SUGCT: variants seen among roughly 807,000 people sequenced by gnomAD.
SUGCT encodes succinyl-CoA:glutarate-CoA transferase.
A neutral mutation model predicts 55.0 loss-of-function variants in SUGCT; 41 were observed. The observed-to-expected ratio is 0.74, with a 90% CI of 0.58 to 0.97. The LOEUF is 0.97. Among genes scored for constraint, SUGCT ranks in the 50% least tolerant of loss-of-function variants. SUGCT has a pLI of 0.00. For missense variants in SUGCT, 568 were observed against 547.8 expected (o/e 1.04, Z -0.37); for synonymous variants, 187 against 200.4 (o/e 0.93, Z 0.56).
At chr7:40,665,679 G>C (rs1801591798) in intron 12 of SUGCT, among the ~76,000 whole-genome samples, 1 of 151,978 alleles carries the variant, frequency 6.6e-6, no homozygotes, top group African/African-American at 2.4e-5. Context: ...TCTATAGAGT[G>C]GGGACCAAAA....
chr7:41,011,100 T>C, the SUGCT span, among the ~76,000 whole-genome samples: 1 of 152,224 alleles, frequency 6.6e-6, no homozygotes, highest in African/African-American at 2.4e-5. Context: ...CATGCTCGAT[T>C]CCAAGCTCTA....
At chr7:40,789,055 G>A (rs1242852456) in intron 13 of SUGCT, among the ~76,000 whole-genome samples, 2 of 151,890 alleles carry the variant, frequency 1.3e-5, no homozygotes, top group Non-Finnish European at 1.5e-5. Flanking sequence ...TTCATCACTG[G>A]GATCCATCTA....
chr7:40,347,591 C>T (rs57505474), intron 9 of SUGCT, among the ~76,000 whole-genome samples: 2,316 of 152,292 alleles, frequency 0.015, 49 homozygotes, highest in South Asian at 0.06. Flanking sequence ...TTGAAAAATT[C>T]TCATTCTGTC....
the SUGCT span, among the ~76,000 whole-genome samples, chr7:41,029,032 T>C: frequency 6.6e-6 from 1 of 152,098 alleles, no homozygotes; most frequent in Admixed American, 6.5e-5. Flanking sequence ...AGACAACAGA[T>C]AAAAGGATGA....
chr7:40,858,276 G>A, intron 13 of SUGCT, among the ~76,000 whole-genome samples: 1 of 151,968 alleles, frequency 6.6e-6, no homozygotes, highest in East Asian at 1.9e-4. Flanking sequence ...GGTGGTGCAT[G>A]CCTGTAATCC....
intron 12 of SUGCT, among the ~76,000 whole-genome samples, chr7:40,709,945 C>A (rs965448468): frequency 6.6e-6 from 1 of 152,178 alleles, no homozygotes; most frequent in African/African-American, 2.4e-5. Context: ...ACTTCAAGAA[C>A]CACTGGTTAT....
the SUGCT span, among the ~76,000 whole-genome samples, chr7:41,034,855 TG>T: frequency 6.6e-6 from 1 of 152,122 alleles, no homozygotes; most frequent in Non-Finnish European, 1.5e-5. Context: ...CTAGGGGTGA[TG>T]GGGGTATCAC....
At chr7:40,462,044 A>C (rs572972450) in intron 11 of SUGCT, among the ~76,000 whole-genome samples, 5 of 152,348 alleles carry the variant, frequency 3.3e-5, no homozygotes, top group African/African-American at 1.2e-4. Flanking sequence ...ACTGTGTAGT[A>C]GGCACTGTTG....
intron 9 of SUGCT, among the ~76,000 whole-genome samples, chr7:40,426,017 TG>T (rs1389198100): frequency 6.6e-6 from 1 of 152,210 alleles, no homozygotes; most frequent in African/African-American, 2.4e-5. Flanking sequence ...TTTATTATAA[TG>T]TCTGGCACAT....
chr7:40,900,747 C>G, the SUGCT span, among the ~76,000 whole-genome samples: 1 of 152,198 alleles, frequency 6.6e-6, no homozygotes, highest in Non-Finnish European at 1.5e-5. Context: ...CGCAAGGAAG[C>G]TAAAGGAACT....
intron 9 of SUGCT, among the ~76,000 whole-genome samples, chr7:40,350,533 G>A (rs1362557506): frequency 6.7e-6 from 1 of 149,282 alleles, no homozygotes; most frequent in Non-Finnish European, 1.5e-5. Context: ...GTTTCACCAT[G>A]TTGGTCAGGC....
chr7:40,206,493 A>G (rs1786982555), intron 6 of SUGCT, among the ~76,000 whole-genome samples: 1 of 152,228 alleles, frequency 6.6e-6, no homozygotes, highest in Non-Finnish European at 1.5e-5. Context: ...TTGTGGAATC[A>G]GTGAAATCCA....
intron 12 of SUGCT, among the ~76,000 whole-genome samples, chr7:40,696,023 C>G (rs1784920270): frequency 6.6e-6 from 1 of 152,214 alleles, no homozygotes; most frequent in Non-Finnish European, 1.5e-5. Context: ...TGTCTACTTA[C>G]TACTGTATAC....
intron 12 of SUGCT, among the ~76,000 whole-genome samples, chr7:40,740,351 T>C (rs1416597233): frequency 3.3e-5 from 5 of 151,648 alleles, no homozygotes; most frequent in African/African-American, 1.2e-4. Context: ...GTATGATTTC[T>C]TCCTTTTTAA....
intron 8 of SUGCT, among the ~76,000 whole-genome samples, chr7:40,276,379 C>T (rs911933688): frequency 3.3e-5 from 5 of 152,106 alleles, no homozygotes; most frequent in Non-Finnish European, 7.3e-5. Flanking sequence ...ATGAAGGTTT[C>T]ATGGGTGTGT....
chr7:40,412,399 A>C (rs1786746186), intron 9 of SUGCT, among the ~76,000 whole-genome samples: 1 of 152,164 alleles, frequency 6.6e-6, no homozygotes, highest in Non-Finnish European at 1.5e-5. Flanking sequence ...GTCCAATACA[A>C]ATTCCTGTTA....
chr7:41,008,061 G>A, the SUGCT span, among the ~76,000 whole-genome samples: 5 of 152,152 alleles, frequency 3.3e-5, no homozygotes. Flanking sequence ...AAGAGGGTGG[G>A]GGGCAAAATC....
chr7:40,200,019 G>C (rs1052679633), intron 6 of SUGCT, among the ~76,000 whole-genome samples: 6 of 152,142 alleles, frequency 3.9e-5, no homozygotes, highest in African/African-American at 1.4e-4. Flanking sequence ...ACAGGGAAGA[G>C]AGAACCACAG....
intron 1 of SUGCT, among the ~76,000 whole-genome samples, chr7:40,146,498 A>C (rs921001383): frequency 6.6e-6 from 1 of 152,264 alleles, no homozygotes; most frequent in African/African-American, 2.4e-5. Context: ...ATTTATTGAC[A>C]GCAAGTCAGT....
Sources: gnomAD v4.1 joint callset for allele counts (sites outside exome capture counted in the v4.1 genomes callset) on GRCh38, gnomAD v4.1.1 for gene constraint, MANE v1.5 for transcripts, NCBI Gene and HGNC (gene_info 2026-07-23, HGNC 2026-07-21) for gene names.